Variants in NRXN1 observed in about 807,000 individuals in gnomAD.
NRXN1 encodes the protein neurexin 1.
In NRXN1, 39 loss-of-function variants were observed where a neutral mutation model predicts 150.9. The observed-to-expected ratio is 0.26, with a 90% confidence interval of 0.20 to 0.34. The LOEUF (loss-of-function observed/expected upper bound fraction) is 0.34. NRXN1 is among the 10% of genes least tolerant of loss of function. The probability of loss-of-function intolerance (pLI) is 1.00; values close to 1 mark genes in which losing one functional copy is unlikely to be tolerated. For missense variants in NRXN1, 1,815 were observed against 1,949.9 expected (o/e 0.93, Z 1.30); for synonymous variants, 924 against 757.0 (o/e 1.22, Z -3.62).
At chr2:51,010,572 C>T (rs1390027194) in intron 2 of NRXN1, among the ~76,000 whole-genome samples, 3 of 151,958 alleles carry the variant, frequency 2.0e-5, no homozygotes, top group Admixed American at 6.6e-5. Context: ...AGTACCAGTG[C>T]TAATATATTT....
At chr2:50,095,989 A>G (rs1053059052) in intron 18 of NRXN1, among the ~76,000 whole-genome samples, 2 of 124,212 alleles carry the variant, frequency 1.6e-5, no homozygotes, top group African/African-American at 6.3e-5. Context: ...TCCTGTGTCC[A>G]AGTGTTCTCA....
chr2:50,657,131 T>C lies in NRXN1; in HGVS notation c.833-33516A>G, dbSNP rs1686599454. Among the ~76,000 whole-genome samples the C allele has an allele frequency of 2.0e-5, 3 of 152,026 alleles. No individual in the cohort carries two copies. The South Asian group carries it at 6.2e-4, about 31-fold the overall frequency. On this transcript the variant is annotated intron_variant, in intron 5 of 22. Transcript: ENST00000401669. ...GGATAGCCCGTAACTCTATACAATC[T>C]GGTCCACCATTTCATCTGTGGGCTC...
chr2:50,094,114 A>G (rs375199514), intron 18 of NRXN1, among the ~76,000 whole-genome samples: 6 of 152,356 alleles, frequency 3.9e-5, no homozygotes, highest in Non-Finnish European at 1.5e-5. Context: ...TAAGCAACTG[A>G]TATGTGGATA....
chr2:50,956,470 G>T (rs1233244233), intron 2 of NRXN1, among the ~76,000 whole-genome samples: 1 of 152,084 alleles, frequency 6.6e-6, no homozygotes. Context: ...AGATTTAGCT[G>T]GGTGTGGTGG....
chr2:49,933,457 C>T (rs1444401872), intron 22 of NRXN1, among the ~76,000 whole-genome samples: 5 of 152,124 alleles, frequency 3.3e-5, no homozygotes, highest in African/African-American at 1.2e-4. Context: ...CTGCTGCCAA[C>T]TCTCTGTCCT....
intron 18 of NRXN1, among the ~76,000 whole-genome samples, chr2:50,197,289 G>A (rs566639145): frequency 1.4e-4 from 21 of 152,036 alleles, no homozygotes; most frequent in African/African-American, 4.6e-4. Context: ...GACACTTTAC[G>A]GGGAACCTGA....
Position 50,173,845 on chromosome 2 carries a change from C to A in NRXN1, c.3546+62944G>T, listed in dbSNP as rs186916910. Among the ~76,000 whole-genome samples the A allele has an allele frequency of 1.1e-4, 17 of 152,202 alleles. No individual in the cohort carries two copies. The East Asian group carries it at 3.1e-3, about 28-fold the overall frequency. On this transcript the variant is annotated intron_variant, in intron 18 of 22. Coordinates refer to ENST00000401669, the MANE Select transcript of NRXN1 (RefSeq NM_001330078.2). ...TGTAACAAGTAGTCCTAAATCAGTT[C>A]TTTGTGTTCCCTCTGTACATTCAAA...
chr2:50,661,653 A>G (rs900307192), intron 5 of NRXN1, among the ~76,000 whole-genome samples: 1 of 152,044 alleles, frequency 6.6e-6, no homozygotes, highest in African/African-American at 2.4e-5. Flanking sequence ...GACAGCATCA[A>G]TATACCTTCA....
intron 2 of NRXN1, among the ~76,000 whole-genome samples, chr2:51,004,328 G>T (rs912144409): frequency 5.3e-5 from 8 of 151,950 alleles, no homozygotes; most frequent in Non-Finnish European, 1.2e-4. Context: ...TAAAGTATTT[G>T]CTTTCAGTAA....
intron 18 of NRXN1, among the ~76,000 whole-genome samples, chr2:50,123,442 A>G (rs1704140115): frequency 6.6e-6 from 1 of 152,164 alleles, no homozygotes; most frequent in Non-Finnish European, 1.5e-5. Context: ...GGTTGGAGGA[A>G]AGTAAATAAG....
At chr2:50,361,559 T>C (rs1210433027) in intron 17 of NRXN1, among the ~76,000 whole-genome samples, 1 of 151,930 alleles carries the variant, frequency 6.6e-6, no homozygotes, top group Non-Finnish European at 1.5e-5. Context: ...GAAGACTAAA[T>C]CAGGAAGAAG....
intron 21 of NRXN1, among the ~76,000 whole-genome samples, chr2:49,995,552 C>T (rs373821560): frequency 4.6e-5 from 7 of 151,616 alleles, no homozygotes; most frequent in East Asian, 3.9e-4. Context: ...GAGGCCGAGG[C>T]GGGCGGATCA....
At chr2:50,506,450 CA>C (rs1360506161) in intron 13 of NRXN1, 44 bp downstream of exon 13, 1 of 1,561,008 alleles carries the variant, frequency 6.4e-7, no homozygotes, top group Non-Finnish European at 8.7e-7. Context: ...AAATGAGAGT[CA>C]AAAGCGTTAG....
At chr2:50,401,119 C>A (rs1219850767) in intron 17 of NRXN1, among the ~76,000 whole-genome samples, 3 of 151,968 alleles carry the variant, frequency 2.0e-5, no homozygotes, top group Non-Finnish European at 4.4e-5. Flanking sequence ...TATTTTTGGC[C>A]CTGTTATCAA....
chr2:50,561,199 A>C (rs1669024055), intron 8 of NRXN1, among the ~76,000 whole-genome samples: 1 of 152,204 alleles, frequency 6.6e-6, no homozygotes, highest in African/African-American at 2.4e-5. Context: ...GAAGTTATTC[A>C]TGGGAGTTGA....
intron 5 of NRXN1, among the ~76,000 whole-genome samples, chr2:50,913,221 T>A (rs1276172081): frequency 6.6e-6 from 1 of 151,866 alleles, no homozygotes; most frequent in Non-Finnish European, 1.5e-5. Flanking sequence ...GGAAGATTTC[T>A]GGCAGATTTT....
intron 2 of NRXN1, among the ~76,000 whole-genome samples, chr2:50,934,928 C>T (rs1474120108): frequency 6.6e-6 from 1 of 152,050 alleles, no homozygotes; most frequent in Non-Finnish European, 1.5e-5. Flanking sequence ...TAAGTCTTTT[C>T]CTTTAGACCT....
chr2:50,329,647 A>C (rs1245239331), intron 17 of NRXN1, among the ~76,000 whole-genome samples: 607 of 8,656 alleles, frequency 0.07, 50 homozygotes, highest in Non-Finnish European at 0.084. Flanking sequence ...ATATATATAT[A>C]TATATATATA....
intron 5 of NRXN1, among the ~76,000 whole-genome samples, chr2:50,884,121 C>T (rs1289699271): frequency 1.3e-5 from 2 of 151,692 alleles, no homozygotes; most frequent in African/African-American, 4.8e-5. Flanking sequence ...AGCAGCTTAC[C>T]TTTTGAACTA....
Sources: allele counts gnomAD v4.1 joint callset (sites outside exome capture counted in the v4.1 genomes callset), GRCh38; gene constraint gnomAD v4.1.1; transcripts MANE v1.5; gene names NCBI Gene and HGNC (gene_info 2026-07-23, HGNC 2026-07-21).